The following NPIPB9 variants were observed in gnomAD, a reference collection of about 807,000 sequenced individuals.
The protein encoded by NPIPB9 is nuclear pore complex-interacting protein family member B9.
Under a neutral mutation model 5.6 loss-of-function variants are expected in NPIPB9, and 1 was observed. The observed-to-expected ratio is 0.18, with a 90% confidence interval of 0.06 to 0.84. The LOEUF (loss-of-function observed/expected upper bound fraction) is 0.84, where lower values mean the gene tolerates loss of function less well. Among genes scored for constraint, NPIPB9 ranks in the 40% least tolerant of loss-of-function variants. The pLI is 0.70. For synonymous variants in NPIPB9, 2 were observed against 12.5 expected, an observed-to-expected ratio of 0.16 and a Z score of 1.77; for missense variants, 3 against 39.1, an observed-to-expected ratio of 0.08 and a Z score of 2.46.
In NPIPB9 at chr16:28,766,357, GC is replaced by G; in HGVS notation, c.460del (p.Leu154Ter). ...TCTTCCTTTCGAGGAAATAAAATTG[GC>G]CTGAAAGACGTCATTACTCTACGGA... is the stretch of plus-strand genomic sequence containing the variant. On this transcript the variant is annotated frameshift_variant, in exon 5 of 8. Coordinates refer to ENST00000550983, the Ensembl canonical transcript of NPIPB9. LOFTEE classifies it high-confidence loss of function. The G allele has an allele frequency of 5.9e-6, 2 of 341,510 alleles. 1 individual carries two copies. Among genetic ancestry groups the G allele is most frequent in the South Asian group, 6.2e-5 (2 of 32,002 alleles). 21.2% of individuals were successfully genotyped at this position (341,510 alleles called of 1,614,324 possible).
At chr16:28,769,782 C>T (rs1172854643) in intron 5 of NPIPB9, among the ~76,000 whole-genome samples, 1 of 147,970 alleles carries the variant, frequency 6.8e-6, no homozygotes, top group Non-Finnish European at 1.5e-5. Flanking sequence ...AAAACGGCTC[C>T]TGACCCCATT....
At chr16:28,765,721 T>TTGTGTGTGTGTG (rs761146509) in intron 3 of NPIPB9, among the ~76,000 whole-genome samples, 2 of 38,010 alleles carry the variant, frequency 5.3e-5, no homozygotes, top group Non-Finnish European at 4.8e-5. Context: ...CATGTCATTC[T>TTGTGTGTGTGTG]TGTGTGTGTG....
At chr16:28,765,711 C>T (rs2049156553) in intron 3 of NPIPB9, among the ~76,000 whole-genome samples, 1 of 54,032 alleles carries the variant, frequency 1.9e-5, no homozygotes, top group South Asian at 1.2e-3. Flanking sequence ...GTGCCAGCCT[C>T]ATGTCATTCT....
rs1371413310 is a variant in NPIPB9 at position 28,760,697 on chromosome 16, T to C, written c.112-1554T>C. The stretch of plus-strand genomic sequence containing the variant: ...AAGTAATCTCTTCATTGTATTTTTT[T>C]TTTTTTTACTTATGCTGAGCTTCAA... On this transcript the variant is annotated intron_variant, in intron 2 of 7. Coordinates refer to ENST00000550983, the Ensembl canonical transcript of NPIPB9. 9.5e-5 allele frequency among the ~76,000 whole-genome samples: 4 copies of C among 42,190 alleles called. 2 individuals carry two copies. The highest frequency in any genetic ancestry group is 3.8e-4 in the African/African-American group (2 of 5,316). 27.7% of individuals were successfully genotyped at this position (42,190 alleles called of 152,430 possible).
At chr16:28,767,279 T>C (rs1179241872) in intron 5 of NPIPB9, among the ~76,000 whole-genome samples, 1 of 105,706 alleles carries the variant, frequency 9.5e-6, no homozygotes, top group Non-Finnish European at 2.1e-5. Flanking sequence ...CACTGCAACC[T>C]CTGCTTCCCA....
At chr16:28,765,786 A>C (rs1319513520) in intron 3 of NPIPB9, among the ~76,000 whole-genome samples, 1 of 92,802 alleles carries the variant, frequency 1.1e-5, no homozygotes, top group Non-Finnish European at 2.2e-5. Flanking sequence ...ACAGAGTCTC[A>C]TTCTGTCGCT....
At chr16:28,754,713 CTG>C (rs1485201587) in intron 1 of NPIPB9, among the ~76,000 whole-genome samples, 1 of 127,376 alleles carries the variant, frequency 7.9e-6, no homozygotes, top group Non-Finnish European at 1.7e-5. Flanking sequence ...GCATGGGAGA[CTG>C]TGGAGGGGCA....
chr16:28,769,607 C>G (rs1333490114), intron 5 of NPIPB9: 1 of 559,464 alleles, frequency 1.8e-6, no homozygotes, highest in Admixed American at 6.9e-5. Context: ...GGGAAACGCC[C>G]ATTGGAGTGC....
intron 2 of NPIPB9, among the ~76,000 whole-genome samples, chr16:28,759,154 CT>C (rs1246723945): frequency 0.014 from 895 of 65,030 alleles, 36 homozygotes; most frequent in African/African-American, 0.04. Context: ...GGTTTGATGA[CT>C]TTTTTTTTTT....
rs1158927991 is a variant in NPIPB9 at position 28,753,531 on chromosome 16, T to TACACAC, written c.25+975_25+980dup. Among the ~76,000 whole-genome samples, 249 of 42,028 alleles carry TACACAC rather than the reference T, an allele frequency of 5.9e-3. 24 individuals are homozygous for TACACAC. Among genetic ancestry groups the TACACAC allele is most frequent in the African/African-American group, 0.012 (149 of 12,456 alleles). 27.6% of individuals were successfully genotyped at this position (42,028 alleles called of 152,430 possible). A position where few individuals can be genotyped will look rare whatever the true frequency, so the allele number is the denominator to read the frequency against. The stretch of plus-strand genomic sequence containing the variant: ...ATACACACACACACACACACATACA[T>TACACAC]ACACACACACACACACACACACACA... On this transcript the variant is annotated intron_variant, in intron 1 of 7. Coordinates refer to ENST00000550983, the Ensembl canonical transcript of NPIPB9.
At chr16:28,758,466 ACCT>A (rs1392819133) in intron 2 of NPIPB9, 13 of 104,556 alleles carry the variant, frequency 1.2e-4, no homozygotes, top group African/African-American at 3.3e-4. Context: ...CTCCTCCTCC[ACCT>A]CCTCCAGGTG....
intron 1 of NPIPB9, among the ~76,000 whole-genome samples, chr16:28,754,902 A>G (rs2048761856): frequency 7.2e-6 from 1 of 139,110 alleles, no homozygotes; most frequent in African/African-American, 2.6e-5. Flanking sequence ...CAGTGAACTC[A>G]GAATCAATTG....
Position 28,756,265 on chromosome 16 carries a change from T to C in NPIPB9, c.26-1733T>C, listed in dbSNP as rs1209978525. Among the ~76,000 whole-genome samples the C allele has an allele frequency of 3.8e-4, 50 of 131,778 alleles. 1 individual carries two copies. Among genetic ancestry groups the C allele is most frequent in the South Asian group, 1.0e-3 (4 of 3,974 alleles). 86.5% of individuals were successfully genotyped at this position (131,778 alleles called of 152,430 possible). ...TGTCACCCAGGCTGGAGTGCAATGG[T>C]ACGATCTCGGCTCACTGCAACCTCC... is the stretch of plus-strand genomic sequence containing the variant. On this transcript the variant is annotated intron_variant, in intron 1 of 7. Transcript: ENST00000550983.
At chr16:28,754,884 G>A (rs1772927540) in intron 1 of NPIPB9, among the ~76,000 whole-genome samples, 1 of 140,468 alleles carries the variant, frequency 7.1e-6, no homozygotes, top group Non-Finnish European at 1.6e-5. Context: ...TTGGTCGGAT[G>A]TAATCAGCAG....
At chr16:28,765,354 A>G (rs1410678450) in intron 3 of NPIPB9, among the ~76,000 whole-genome samples, 3 of 27,154 alleles carry the variant, frequency 1.1e-4, no homozygotes, top group East Asian at 1.1e-3. Flanking sequence ...CACCCGCCTC[A>G]GCCTCCCAAA....
chr16:28,767,339 G>A (rs1204770429), intron 5 of NPIPB9, among the ~76,000 whole-genome samples: 1 of 99,166 alleles, frequency 1.0e-5, no homozygotes. Context: ...GGGACTACAG[G>A]CATATGCCAC....
At chr16:28,767,383 G>A (rs1448758867) in intron 5 of NPIPB9, among the ~76,000 whole-genome samples, 1 of 71,232 alleles carries the variant, frequency 1.4e-5, no homozygotes, top group Non-Finnish European at 3.0e-5. Flanking sequence ...CTTAGTAGAG[G>A]CATAGACTTA....
Position 28,752,374 on chromosome 16 carries a change from G to C in NPIPB9, c.-194G>C. ...TTTTCTGAAGCCCTTGACCACTATAGACTCAAACATCACCTTGTTTTTCCA... is the reference window on the plus strand; with the variant it reads ...TTTTCTGAAGCCCTTGACCACTATACACTCAAACATCACCTTGTTTTTCCA... On this transcript the variant is annotated 5_prime_UTR_variant, in exon 1 of 8. Coordinates refer to ENST00000550983, the Ensembl canonical transcript of NPIPB9. The C allele has an allele frequency of 2.8e-6, 3 of 1,077,554 alleles. 1 individual carries two copies. Among genetic ancestry groups the C allele is most frequent in the South Asian group, 2.7e-5 (2 of 73,458 alleles). 66.7% of individuals were successfully genotyped at this position (1,077,554 alleles called of 1,614,324 possible). A position where few individuals can be genotyped will look rare whatever the true frequency, so the allele number is the denominator to read the frequency against.
intron 3 of NPIPB9, among the ~76,000 whole-genome samples, chr16:28,765,697 C>T (rs1163296350): frequency 1.7e-5 from 1 of 57,960 alleles, no homozygotes; most frequent in East Asian, 6.8e-4. Context: ...AGGAGTGAGC[C>T]ACCGTGCCAG....
Sources: allele counts gnomAD v4.1 joint callset (sites outside exome capture counted in the v4.1 genomes callset), GRCh38; gene constraint gnomAD v4.1.1; transcripts MANE v1.5; gene names NCBI Gene and HGNC (gene_info 2026-07-23, HGNC 2026-07-21).